ABCD3: variants seen among roughly 807,000 people sequenced by gnomAD.
ABCD3 encodes the protein ATP-binding cassette sub-family D member 3.
A neutral mutation model predicts 105.5 loss-of-function variants in ABCD3; 41 were observed. That is an observed-to-expected ratio of 0.39 (90% CI 0.30 to 0.50). ABCD3 has a LOEUF of 0.50. Ranked by LOEUF, ABCD3 falls within the 20% of genes least tolerant of loss-of-function variation. The pLI, the probability that ABCD3 is intolerant of heterozygous loss-of-function variation, is 0.84. For synonymous variants in ABCD3, 258 were observed against 269.0 expected (o/e 0.96, Z 0.40); for missense variants, 622 against 806.3 (o/e 0.77, Z 2.77).
intron 21 of ABCD3, among the ~76,000 whole-genome samples, chr1:94,508,069 G>A (rs941087658): frequency 1.7e-4 from 26 of 151,194 alleles, no homozygotes; most frequent in African/African-American, 5.3e-4. Context: ...CCTTGCCCAT[G>A]CCTATGTCCT....
At chr1:94,491,454 A>G (rs960187504) in intron 16 of ABCD3, among the ~76,000 whole-genome samples, 13 of 152,128 alleles carry the variant, frequency 8.5e-5, no homozygotes, top group African/African-American at 3.1e-4. Flanking sequence ...CTACCAAAAA[A>G]CTTTTTGCAA....
intron 1 of ABCD3, among the ~76,000 whole-genome samples, chr1:94,454,195 A>T (rs1038213384): frequency 6.6e-6 from 1 of 152,216 alleles, no homozygotes; most frequent in African/African-American, 2.4e-5. Flanking sequence ...AATAGTTCAC[A>T]TGAGAAATTT....
At chr1:94,488,049 G>T in intron 13 of ABCD3, 66 bp downstream of exon 13, 1 of 1,311,328 alleles carries the variant, frequency 7.6e-7, no homozygotes, top group South Asian at 1.2e-5. Flanking sequence ...CTTAATGATT[G>T]TATCAGTTGA....
intron 1 of ABCD3, among the ~76,000 whole-genome samples, chr1:94,432,872 TG>T (rs1407774938): frequency 6.6e-6 from 1 of 151,924 alleles, no homozygotes; most frequent in East Asian, 1.9e-4. Flanking sequence ...TTTTTTTTTT[TG>T]AGACGGAGTC....
chr1:94,390,300 T>C, the ABCD3 span, among the ~76,000 whole-genome samples: 1 of 152,020 alleles, frequency 6.6e-6, no homozygotes, highest in Admixed American at 6.6e-5. Flanking sequence ...TTTTTATTTT[T>C]ATTTATTTAT....
At chr1:94,463,392 G>A (rs1302615156) in intron 2 of ABCD3, among the ~76,000 whole-genome samples, 1 of 152,126 alleles carries the variant, frequency 6.6e-6, no homozygotes, top group East Asian at 1.9e-4. Flanking sequence ...CACATAGTTG[G>A]TAGTTATTAT....
intron 1 of ABCD3, among the ~76,000 whole-genome samples, chr1:94,443,730 A>G (rs1455024799): frequency 2.0e-5 from 3 of 152,096 alleles, no homozygotes; most frequent in African/African-American, 7.2e-5. Context: ...TGTTTATTGA[A>G]TGGGGTGTCC....
In ABCD3 at chr1:94,430,457, G is replaced by A. The variant is rs188726532; in HGVS notation, c.110+11869G>A. On this transcript the variant is annotated intron_variant, in intron 1 of 22. Coordinates refer to ENST00000370214, the MANE Select transcript of ABCD3 (RefSeq NM_002858.4). ...TCCCAGTGTTGTAGGAGGGACAGGT[G>A]GGAGGTAATTGAATCATGGGGGCAG... Among the ~76,000 whole-genome samples the A allele has an allele frequency of 3.4e-3, 518 of 152,252 alleles. 1 individual carries two copies. Among genetic ancestry groups the A allele is most frequent in the African/African-American group, 0.012 (496 of 41,536 alleles).
At chr1:94,390,846 C>G in the ABCD3 span, among the ~76,000 whole-genome samples, 77,837 of 151,928 alleles carry the variant, frequency 0.51, 20,096 homozygotes, top group Middle Eastern at 0.69. Flanking sequence ...AACAGATCCC[C>G]TAAACCGATT....
rs757411709 is a variant in ABCD3, at chr1:94,480,509, C to G, written c.730C>G (p.Leu244Val). The change falls in exon 9 of 23, where the codon CTA becomes GTA. Residue 244 changes from leucine to valine, a missense_variant. This residue lies in a region of ABCD3 where 245 missense variants were observed against 356.4 expected (regional missense o/e 0.69). Coordinates refer to ENST00000370214, the MANE Select transcript of ABCD3 (RefSeq NM_002858.4). ...CTACTTGGTTGTTTCTGGGCTATTC[C>G]TAACTCGACTTCGAAGACCCATTGG... ...MAYLVVSGLFLTRLRRPIGKM... is the reference protein window; with the variant it reads ...MAYLVVSGLFVTRLRRPIGKM... The G allele has an allele frequency of 1.2e-6, 2 of 1,613,846 alleles. No homozygotes were observed. The highest frequency in any genetic ancestry group is 2.2e-5 in the South Asian group (2 of 91,084).
At chr1:94,464,945 T>G in intron 3 of ABCD3, 72 bp downstream of exon 3, 1 of 1,276,044 alleles carries the variant, frequency 7.8e-7, no homozygotes, top group Non-Finnish European at 1.1e-6. Context: ...GCTGGGTAAT[T>G]TATAAAGAAA....
chr1:94,475,574 G>A (rs891979186), intron 6 of ABCD3, 40 bp from the exon 7 acceptor site: 14 of 1,586,672 alleles, frequency 8.8e-6, no homozygotes, highest in Non-Finnish European at 1.2e-5. Flanking sequence ...TATCTTTAAA[G>A]TCACTTGTTT....
At position 94,499,535 on chromosome 1, in the gene ABCD3, T is replaced by A; in HGVS notation, c.1661T>A (p.Ile554Asn). 6.2e-7 allele frequency: 1 copy of A among 1,613,764 alleles called. No homozygotes were observed. The highest frequency in any genetic ancestry group is 8.5e-7 in the Non-Finnish European group (1 of 1,179,746). Residue 554 changes from isoleucine to asparagine, a missense_variant, in exon 20 of 23, where the codon ATC becomes AAC. Around this residue, in one of 4 missense-constraint regions of ABCD3, gnomAD observed 285 missense variants for 352.5 expected, o/e 0.81. Coordinates refer to ENST00000370214, the MANE Select transcript of ABCD3 (RefSeq NM_002858.4). ...TTAGACAATGTCCAGTTGGGTCATA[T>A]CCTTGAACGTGAAGGAGGCTGGGAC... Reference protein sequence around the residue: ...EYLDNVQLGHILEREGGWDSV... With the variant: ...EYLDNVQLGHNLEREGGWDSV...
the ABCD3 span, among the ~76,000 whole-genome samples, chr1:94,389,570 T>C: frequency 6.6e-6 from 1 of 152,230 alleles, no homozygotes; most frequent in African/African-American, 2.4e-5. Context: ...TAATCCATAA[T>C]CTATAGAAAC....
intron 8 of ABCD3, among the ~76,000 whole-genome samples, chr1:94,478,894 T>C (rs192589173): frequency 2.2e-4 from 33 of 152,274 alleles, no homozygotes; most frequent in African/African-American, 7.7e-4. Context: ...ATTATCCAAG[T>C]CTCTGATATT....
chr1:94,477,865 A>G (rs1251644370), intron 7 of ABCD3, among the ~76,000 whole-genome samples: 12 of 152,228 alleles, frequency 7.9e-5, no homozygotes, highest in Non-Finnish European at 1.2e-4. Flanking sequence ...AGGTGAAGAT[A>G]TGTAGAAACA....
At chr1:94,507,086 C>T (rs1397312718) in intron 21 of ABCD3, among the ~76,000 whole-genome samples, 1 of 151,956 alleles carries the variant, frequency 6.6e-6, no homozygotes, top group South Asian at 2.1e-4. Context: ...GTGCGCTGCA[C>T]CCACTAACTC....
chr1:94,430,323 G>T (rs1557659565), intron 1 of ABCD3, among the ~76,000 whole-genome samples: 1 of 152,180 alleles, frequency 6.6e-6, no homozygotes, highest in Non-Finnish European at 1.5e-5. Context: ...GACCTTGGGG[G>T]ACTGTTGGGA....
the ABCD3 span, among the ~76,000 whole-genome samples, chr1:94,404,229 C>T: frequency 1.3e-5 from 2 of 152,012 alleles, no homozygotes; most frequent in Non-Finnish European, 1.5e-5. Context: ...TTGATCAATC[C>T]AAAATAAAAT....
Sources: allele counts gnomAD v4.1 joint callset (sites outside exome capture counted in the v4.1 genomes callset), GRCh38; gene constraint gnomAD v4.1.1; regional missense constraint gnomAD v4.1.1; transcripts MANE v1.5; gene names NCBI Gene and HGNC (gene_info 2026-07-23, HGNC 2026-07-21).